ARID1B: variants seen among roughly 807,000 people sequenced by gnomAD.
The protein encoded by ARID1B is AT-rich interactive domain-containing protein 1B.
ARID1B carries 30 observed loss-of-function variants against 212.3 expected under a neutral mutation model. The ratio of observed to expected loss-of-function variants is 0.14; its 90% CI spans 0.11 to 0.19. The LOEUF is 0.19. Among genes scored for constraint, ARID1B ranks in the 10% least tolerant of loss-of-function variants. ARID1B has a pLI of 1.00. For synonymous variants in ARID1B, 1,402 were observed against 1,301.7 expected, an observed-to-expected ratio of 1.08 and a Z score of -1.66; for missense variants, 2,891 against 3,204.0, an observed-to-expected ratio of 0.90 and a Z score of 2.36.
chr6:156,800,640 C>T (rs541318345), intron 1 of ARID1B, among the ~76,000 whole-genome samples: 57 of 152,142 alleles, frequency 3.7e-4, no homozygotes, highest in African/African-American at 1.3e-3. Context: ...GGCATGGTGG[C>T]TCATACCTGT....
Position 157,208,715 on chromosome 6 carries a change from CT to C in ARID1B, c.*842del, listed in dbSNP as rs878880822. The C allele has an allele frequency of 0.12, 17,889 of 146,758 alleles. 8 individuals are homozygous for C. Among genetic ancestry groups the C allele is most frequent in the East Asian group, 0.24 (2,625 of 11,066 alleles). 9.1% of individuals were successfully genotyped at this position (146,758 alleles called of 1,614,324 possible). ...AAACATACCCTCATTTTTTTCTTTT[CT>C]TTTTTTTTTTTTTTTTTAGTACAAA... On this transcript the variant is annotated 3_prime_UTR_variant, in exon 20 of 20. Coordinates refer to ENST00000636930, the MANE Select transcript of ARID1B (RefSeq NM_001374828.1).
intron 2 of ARID1B, among the ~76,000 whole-genome samples, chr6:156,872,478 C>A (rs1046368428): frequency 2.0e-5 from 3 of 152,080 alleles, no homozygotes; most frequent in African/African-American, 7.2e-5. Context: ...CGCACCACCA[C>A]GCCCAGTTAA....
At chr6:157,017,251 T>C (rs928078376) in intron 4 of ARID1B, among the ~76,000 whole-genome samples, 3 of 152,210 alleles carry the variant, frequency 2.0e-5, no homozygotes, top group Admixed American at 6.5e-5. Context: ...CCTCTGGTAA[T>C]CCATCAACAA....
intron 3 of ARID1B, among the ~76,000 whole-genome samples, chr6:156,915,501 G>C (rs1313793400): frequency 6.6e-6 from 1 of 152,042 alleles, no homozygotes; most frequent in African/African-American, 2.4e-5. Flanking sequence ...CCAGGAGGCA[G>C]AGGTCGCAGT....
At chr6:157,189,957 A>C in intron 14 of ARID1B, 81 bp from the exon 15 acceptor site, 2 of 1,585,964 alleles carry the variant, frequency 1.3e-6, no homozygotes, top group Non-Finnish European at 1.7e-6. Flanking sequence ...GCACATTTCA[A>C]GATGGGTTCA....
At chr6:157,058,061 A>G (rs1222748856) in intron 4 of ARID1B, among the ~76,000 whole-genome samples, 4 of 152,166 alleles carry the variant, frequency 2.6e-5, no homozygotes, top group Non-Finnish European at 5.9e-5. Context: ...AAGCAGTGGC[A>G]TAGTAAGGCA....
chr6:156,893,134 C>T (rs1183954829), intron 2 of ARID1B, among the ~76,000 whole-genome samples: 3 of 149,550 alleles, frequency 2.0e-5, no homozygotes, highest in African/African-American at 7.5e-5. Context: ...CCTCCGCCTC[C>T]TGGGTTCATG....
At chr6:157,013,098 C>T (rs1485722937) in intron 4 of ARID1B, among the ~76,000 whole-genome samples, 1 of 152,154 alleles carries the variant, frequency 6.6e-6, no homozygotes, top group Non-Finnish European at 1.5e-5. Flanking sequence ...AGGCTGGTCC[C>T]GAACTCCTGA....
intron 4 of ARID1B, among the ~76,000 whole-genome samples, chr6:157,041,495 C>G (rs1435040841): frequency 1.3e-5 from 2 of 152,140 alleles, no homozygotes; most frequent in Non-Finnish European, 2.9e-5. Context: ...CTTAAGAAAT[C>G]TTACTAATCT....
intron 2 of ARID1B, among the ~76,000 whole-genome samples, chr6:156,897,796 A>G (rs1435155444): frequency 6.6e-6 from 1 of 152,172 alleles, no homozygotes; most frequent in Non-Finnish European, 1.5e-5. Context: ...GTGGCTGTAG[A>G]TGAAGCTGAA....
chr6:156,867,800 C>G (rs1785813442), intron 2 of ARID1B, among the ~76,000 whole-genome samples: 1 of 152,222 alleles, frequency 6.6e-6, no homozygotes, highest in African/African-American at 2.4e-5. Context: ...CCCTTTAAAT[C>G]TCAGGCTGTT....
At chr6:156,982,078 T>G (rs2128379520) in intron 4 of ARID1B, among the ~76,000 whole-genome samples, 1 of 151,804 alleles carries the variant, frequency 6.6e-6, no homozygotes, top group South Asian at 2.1e-4. Context: ...ATCTCCCGTT[T>G]CCTAGATCAC....
intron 2 of ARID1B, among the ~76,000 whole-genome samples, chr6:156,842,456 A>G (rs1374681722): frequency 2.6e-5 from 4 of 152,104 alleles, no homozygotes; most frequent in African/African-American, 4.8e-5. Flanking sequence ...ATTCCTTTCT[A>G]TGGCTTAATA....
chr6:156,778,921 C>G lies in ARID1B; in HGVS notation c.1241C>G (p.Ala414Gly), dbSNP rs1462890053. 1.1e-5 allele frequency: 15 copies of G among 1,306,860 alleles called. No individual in the cohort carries two copies. Among genetic ancestry groups the G allele is most frequent in the Middle Eastern group, 2.6e-4 (1 of 3,856 alleles). The allele number at this position is 1,306,860 out of a possible 1,614,324, so 81.0% of individuals were successfully genotyped here. Residue 414 changes from alanine to glycine, a missense_variant, in exon 1 of 20, where the codon GCA (alanine) becomes GGA (glycine). Coordinates refer to ENST00000636930, the MANE Select transcript of ARID1B (RefSeq NM_001374828.1). Reference protein sequence around the residue: ...GGGGGGGGAGAGGAGAGAVAA... With the variant: ...GGGGGGGGAGGGGAGAGAVAA... ...GGAGGAGGAGGAGGAGGAGCAGGAG[C>G]AGGAGGAGCAGGAGCGGGAGCTGTG...
At chr6:157,059,436 T>G (rs1044290435) in intron 4 of ARID1B, among the ~76,000 whole-genome samples, 6 of 152,212 alleles carry the variant, frequency 3.9e-5, no homozygotes, top group African/African-American at 9.6e-5. Context: ...TTTGTAAATA[T>G]TTGATAGTAT....
intron 4 of ARID1B, among the ~76,000 whole-genome samples, chr6:157,045,165 A>G (rs1782150662): frequency 6.6e-6 from 1 of 152,192 alleles, no homozygotes; most frequent in Non-Finnish European, 1.5e-5. Flanking sequence ...TTAGATTTTG[A>G]GAATAGAAAA....
rs1448215466 is a variant in ARID1B, at chr6:156,778,734, G to A, written c.1054G>A (p.Ala352Thr). ...CCCCGGGATGGGGATGATGCACTCCGCCTCCGCCGCCGCCGCCGGGGCCCC... is the reference window on the plus strand; with the variant it reads ...CCCCGGGATGGGGATGATGCACTCCACCTCCGCCGCCGCCGCCGGGGCCCC... ...QSPGMGMMHSASAAAAGAPGS... is the reference protein window; with the variant it reads ...QSPGMGMMHSTSAAAAGAPGS... The change falls in exon 1 of 20, where the codon GCC becomes ACC. Residue 352 changes from alanine (A) to threonine (T), a missense_variant. Ala to Thr is a moderately conservative substitution (Grantham distance 58). Coordinates refer to ENST00000636930, the MANE Select transcript of ARID1B (RefSeq NM_001374828.1). 2.6e-6 allele frequency: 4 copies of A among 1,524,222 alleles called. No individual in the cohort carries two copies. In the South Asian group the frequency reaches 3.7e-5, roughly 14 times the overall value. 94.4% of individuals were successfully genotyped at this position (1,524,222 alleles called of 1,614,324 possible). A position where few individuals can be genotyped will look rare whatever the true frequency, so the allele number is the denominator to read the frequency against.
At chr6:156,974,748 A>G (rs1000229313) in intron 4 of ARID1B, among the ~76,000 whole-genome samples, 2 of 152,350 alleles carry the variant, frequency 1.3e-5, no homozygotes. Flanking sequence ...CTACTAAAAT[A>G]TATGCTTTCA....
chr6:157,159,602 A>C (rs1790797255), intron 8 of ARID1B, among the ~76,000 whole-genome samples: 2 of 151,910 alleles, frequency 1.3e-5, no homozygotes, highest in South Asian at 2.1e-4. Context: ...ACAAAAGGGA[A>C]AAACGTTTCT....
Sources: gnomAD v4.1 joint callset for allele counts (sites outside exome capture counted in the v4.1 genomes callset) on GRCh38, gnomAD v4.1.1 for gene constraint, MANE v1.5 for transcripts, NCBI Gene and HGNC (gene_info 2026-07-23, HGNC 2026-07-21) for gene names.